Variants in DOK6 observed in about 807,000 individuals in gnomAD.
The protein encoded by DOK6 is downstream of tyrosine kinase 6.
A neutral mutation model predicts 44.0 loss-of-function variants in DOK6; 22 were observed. The ratio of observed to expected loss-of-function variants is 0.50; its 90% CI spans 0.36 to 0.71. The LOEUF (loss-of-function observed/expected upper bound fraction) is 0.71. Among genes scored for constraint, DOK6 ranks in the 30% least tolerant of loss-of-function variants. DOK6 has a pLI of 0.00. For synonymous variants in DOK6, 166 were observed against 145.5 expected (o/e 1.14, Z -1.01); for missense variants, 340 against 416.4 (o/e 0.82, Z 1.60).
intron 1 of DOK6, among the ~76,000 whole-genome samples, chr18:69,530,487 A>G (rs189063261): frequency 1.2e-4 from 18 of 152,296 alleles, no homozygotes; most frequent in Non-Finnish European, 2.5e-4. Flanking sequence ...TGATTCACCA[A>G]AGGTTGGAGA....
chr18:69,642,357 C>T (rs1984963958), intron 3 of DOK6, among the ~76,000 whole-genome samples: 1 of 151,670 alleles, frequency 6.6e-6, no homozygotes, highest in Admixed American at 6.6e-5. Context: ...TTATTTTTTG[C>T]TCCAGATTTC....
chr18:69,783,660 T>G (rs1980344883), intron 7 of DOK6, among the ~76,000 whole-genome samples: 1 of 152,182 alleles, frequency 6.6e-6, no homozygotes, highest in Admixed American at 6.5e-5. Context: ...TTTGGATTTG[T>G]ATTTTTAATT....
At chr18:69,494,969 C>A (rs926569303) in intron 1 of DOK6, among the ~76,000 whole-genome samples, 12 of 152,300 alleles carry the variant, frequency 7.9e-5, no homozygotes, top group Non-Finnish European at 1.8e-4. Flanking sequence ...CCACACCTGC[C>A]AAGTGCGAGC....
chr18:69,773,185 A>G (rs1979939661), intron 7 of DOK6, among the ~76,000 whole-genome samples: 1 of 151,904 alleles, frequency 6.6e-6, no homozygotes, highest in African/African-American at 2.4e-5. Context: ...TCTAAAAAAC[A>G]AAAAACAAAG....
At chr18:69,483,779 T>G (rs910807396) in intron 1 of DOK6, 4 of 152,092 alleles carry the variant, frequency 2.6e-5, no homozygotes, top group Non-Finnish European at 4.4e-5. Flanking sequence ...GCTTTCCTCA[T>G]GCTTGCCTAA....
intron 1 of DOK6, among the ~76,000 whole-genome samples, chr18:69,489,025 C>G (rs948021793): frequency 6.6e-6 from 1 of 152,144 alleles, no homozygotes; most frequent in African/African-American, 2.4e-5. Context: ...AAGTTTTATA[C>G]ACATAGAACT....
intron 1 of DOK6, among the ~76,000 whole-genome samples, chr18:69,437,249 G>T (rs1437493288): frequency 6.6e-6 from 1 of 152,118 alleles, no homozygotes; most frequent in African/African-American, 2.4e-5. Flanking sequence ...TGTCCTGAAT[G>T]GTATTGCCTA....
intron 5 of DOK6, among the ~76,000 whole-genome samples, chr18:69,707,366 T>C (rs555474857): frequency 2.1e-4 from 32 of 152,358 alleles, no homozygotes; most frequent in African/African-American, 7.7e-4. Flanking sequence ...TCTTAAGACA[T>C]GAAATCGGCC....
At chr18:69,572,238 G>A (rs1001963414) in intron 2 of DOK6, among the ~76,000 whole-genome samples, 7 of 152,068 alleles carry the variant, frequency 4.6e-5, no homozygotes, top group African/African-American at 1.7e-4. Context: ...GATATGGTGT[G>A]TAAAAACGGA....
At chr18:69,533,803 T>C (rs1406983652) in intron 1 of DOK6, among the ~76,000 whole-genome samples, 1 of 152,176 alleles carries the variant, frequency 6.6e-6, no homozygotes, top group East Asian at 1.9e-4. Context: ...TTTTATTCTT[T>C]GATAGAATTG....
chr18:69,607,767 C>T (rs1984037290), intron 3 of DOK6, among the ~76,000 whole-genome samples: 1 of 151,964 alleles, frequency 6.6e-6, no homozygotes, highest in African/African-American at 2.4e-5. Flanking sequence ...GACAGAGCTC[C>T]AAAACTATAA....
rs139306946 is a variant in DOK6 at position 69,719,934 on chromosome 18, G to A, written c.600-19031G>A. On this transcript the variant is annotated intron_variant, in intron 5 of 7. Coordinates refer to ENST00000382713, the MANE Select transcript of DOK6 (RefSeq NM_152721.6). Reference sequence around the variant, plus strand: ...CAACACAACAGGCATTGAAATCACCGAATCATGCACTTTGGGAAGCCAAGG... The same window carrying A: ...CAACACAACAGGCATTGAAATCACCAAATCATGCACTTTGGGAAGCCAAGG... Among the ~76,000 whole-genome samples, 822 of 152,150 alleles carry A rather than the reference G, an allele frequency of 5.4e-3. 18 individuals carry two copies. Among genetic ancestry groups the A allele is most frequent in the Admixed American group, 0.038 (575 of 15,266 alleles).
intron 7 of DOK6, among the ~76,000 whole-genome samples, chr18:69,821,787 TG>T (rs1377322952): frequency 1.1e-4 from 2 of 17,934 alleles, no homozygotes; most frequent in Non-Finnish European, 5.0e-4. Flanking sequence ...AGCATGCTAT[TG>T]TTTTTTTTTT....
chr18:69,727,222 C>T (rs903466306), intron 5 of DOK6, among the ~76,000 whole-genome samples: 6 of 152,074 alleles, frequency 3.9e-5, no homozygotes. Flanking sequence ...ACCTACTTAC[C>T]TCCCAAAGGC....
chr18:69,428,364 A>G (rs1171286750), intron 1 of DOK6, among the ~76,000 whole-genome samples: 3 of 152,124 alleles, frequency 2.0e-5, no homozygotes, highest in Admixed American at 1.3e-4. Context: ...TCATTCCATG[A>G]TACAGATTTA....
intron 3 of DOK6, among the ~76,000 whole-genome samples, chr18:69,599,850 T>C (rs952066101): frequency 1.1e-4 from 16 of 152,146 alleles, no homozygotes; most frequent in African/African-American, 3.6e-4. Context: ...GGAATCAGGG[T>C]GCTGTGCAAA....
intron 1 of DOK6, among the ~76,000 whole-genome samples, chr18:69,485,518 C>T (rs748852541): frequency 6.6e-6 from 1 of 152,090 alleles, no homozygotes; most frequent in South Asian, 2.1e-4. Flanking sequence ...CAGTTGAATC[C>T]CCTAATTGTT....
intron 3 of DOK6, chr18:69,661,250 T>A (rs1985518806): frequency 6.6e-6 from 1 of 152,228 alleles, no homozygotes; most frequent in Non-Finnish European, 1.5e-5. Flanking sequence ...GTCTCTCTTT[T>A]CTCTGTGTCC....
At chr18:69,494,866 G>A (rs1980837202) in intron 1 of DOK6, among the ~76,000 whole-genome samples, 1 of 152,168 alleles carries the variant, frequency 6.6e-6, no homozygotes. Context: ...GTGGCCAGTG[G>A]CACCTTTGTG....
Sources: allele counts gnomAD v4.1 joint callset (sites outside exome capture counted in the v4.1 genomes callset), GRCh38; gene constraint gnomAD v4.1.1; transcripts MANE v1.5; gene names NCBI Gene and HGNC (gene_info 2026-07-23, HGNC 2026-07-21).